RBFOX1: variants seen among roughly 807,000 people sequenced by gnomAD.
The protein encoded by RBFOX1 is RNA binding fox-1 homolog 1.
RBFOX1 carries 8 observed loss-of-function variants against 57.7 expected under a neutral mutation model. The observed-to-expected ratio is 0.14, with a 90% CI of 0.08 to 0.25. RBFOX1 has a LOEUF of 0.25. RBFOX1 is among the 10% of genes least tolerant of loss of function. The probability of loss-of-function intolerance (pLI) is 1.00; values close to 1 mark genes in which losing one functional copy is unlikely to be tolerated. For synonymous variants in RBFOX1, 326 were observed against 222.4 expected (o/e 1.47, Z -4.15); for missense variants, 611 against 548.5 (o/e 1.11, Z -1.14).
At chr16:5,727,631 T>G (rs9924785) in intron 3 of RBFOX1, among the ~76,000 whole-genome samples, 16,019 of 152,184 alleles carry the variant, frequency 0.11, 2,801 homozygotes, top group African/African-American at 0.36. Flanking sequence ...ATCTCCCCAT[T>G]TACCCACCCT....
At chr16:7,010,586 G>A (rs1339074229) in intron 3 of RBFOX1, among the ~76,000 whole-genome samples, 1 of 151,606 alleles carries the variant, frequency 6.6e-6, no homozygotes, top group East Asian at 1.9e-4. Context: ...GTTTTTCTCT[G>A]TCACCCAGGC....
At chr16:7,106,117 C>T (rs1185481627) in intron 4 of RBFOX1, among the ~76,000 whole-genome samples, 1 of 152,164 alleles carries the variant, frequency 6.6e-6, no homozygotes, top group Non-Finnish European at 1.5e-5. Flanking sequence ...TTTGAAACTC[C>T]TTTACCGTGA....
intron 2 of RBFOX1, among the ~76,000 whole-genome samples, chr16:6,421,484 T>G (rs1310814273): frequency 6.6e-6 from 1 of 152,216 alleles, no homozygotes; most frequent in African/African-American, 2.4e-5. Flanking sequence ...AGGGGAATGC[T>G]TCTTAGAAGG....
At chr16:6,899,170 G>A (rs2067809910) in intron 3 of RBFOX1, among the ~76,000 whole-genome samples, 1 of 144,270 alleles carries the variant, frequency 6.9e-6, no homozygotes, top group Admixed American at 6.9e-5. Flanking sequence ...ACATGTGTAT[G>A]TGTGTGTATA....
chr16:6,397,522 G>C (rs1031711157), intron 2 of RBFOX1, among the ~76,000 whole-genome samples: 1 of 152,130 alleles, frequency 6.6e-6, no homozygotes, highest in South Asian at 2.1e-4. Flanking sequence ...CATTAGTCCT[G>C]TACTATAAGA....
At chr16:7,606,494 C>G (rs1235771561) in intron 9 of RBFOX1, among the ~76,000 whole-genome samples, 1 of 152,152 alleles carries the variant, frequency 6.6e-6, no homozygotes, top group Non-Finnish European at 1.5e-5. Context: ...CGTGATCAGT[C>G]TCTGGAAATT....
At chr16:6,901,959 C>T (rs2068608188) in intron 3 of RBFOX1, among the ~76,000 whole-genome samples, 1 of 152,064 alleles carries the variant, frequency 6.6e-6, no homozygotes, top group South Asian at 2.1e-4. Context: ...ATGGCACCTT[C>T]AGAAATATTG....
At chr16:6,832,047 A>G (rs181471700) in intron 3 of RBFOX1, among the ~76,000 whole-genome samples, 14 of 152,384 alleles carry the variant, frequency 9.2e-5, no homozygotes. Flanking sequence ...CCTGCACTTA[A>G]GAATATAATT....
chr16:6,970,528 G>T (rs1328254212), intron 3 of RBFOX1, among the ~76,000 whole-genome samples: 3 of 152,156 alleles, frequency 2.0e-5, no homozygotes, highest in Admixed American at 6.5e-5. Flanking sequence ...AGTAGATTCA[G>T]TGTCCGGTGA....
At chr16:6,086,606 G>C (rs7195500) in intron 1 of RBFOX1, among the ~76,000 whole-genome samples, 108 of 152,106 alleles carry the variant, frequency 7.1e-4, no homozygotes, top group Non-Finnish European at 1.3e-3. Flanking sequence ...GACTGGGCTG[G>C]GGGCGCATGC....
intron 4 of RBFOX1, among the ~76,000 whole-genome samples, chr16:7,464,428 G>T (rs1036767756): frequency 1.3e-5 from 2 of 151,958 alleles, no homozygotes; most frequent in African/African-American, 4.8e-5. Flanking sequence ...CTGGAGGATG[G>T]TGGTCACTTC....
chr16:7,557,077 AT>A (rs573718668), intron 5 of RBFOX1, among the ~76,000 whole-genome samples: 1 of 151,968 alleles, frequency 6.6e-6, no homozygotes, highest in Non-Finnish European at 1.5e-5. Context: ...ATGTTGTTTT[AT>A]TTTTTGCTGT....
At chr16:5,403,371 AAAAC>A (rs1245984207) in intron 1 of RBFOX1, among the ~76,000 whole-genome samples, 159 of 151,714 alleles carry the variant, frequency 1.0e-3, no homozygotes, top group African/African-American at 3.4e-3. Context: ...AAAAAAACAA[AAAAC>A]AAACAAACAA....
intron 3 of RBFOX1, among the ~76,000 whole-genome samples, chr16:6,880,190 C>G (rs935328939): frequency 3.4e-5 from 5 of 146,846 alleles, no homozygotes; most frequent in African/African-American, 1.3e-4. Flanking sequence ...CTGTGTACTC[C>G]TTTAAGGTAT....
chr16:7,197,438 T>TG (rs1412741510), intron 4 of RBFOX1, among the ~76,000 whole-genome samples: 18 of 66,466 alleles, frequency 2.7e-4, no homozygotes, highest in African/African-American at 1.1e-3. Context: ...AACCTGTGAG[T>TG]GGAAAAAAAA....
chr16:7,385,619 T>C (rs1011111242), intron 4 of RBFOX1, among the ~76,000 whole-genome samples: 2 of 152,154 alleles, frequency 1.3e-5, no homozygotes, highest in South Asian at 2.1e-4. Flanking sequence ...GTCATCTCAT[T>C]TGGGCGTTGA....
intron 3 of RBFOX1, among the ~76,000 whole-genome samples, chr16:7,036,372 C>G (rs2044425478): frequency 6.6e-6 from 1 of 152,062 alleles, no homozygotes; most frequent in Admixed American, 6.6e-5. Flanking sequence ...GGAAAGGGGT[C>G]CCAATGCAGA....
chr16:6,207,939 C>G (rs1158525254), intron 1 of RBFOX1, among the ~76,000 whole-genome samples: 3 of 151,974 alleles, frequency 2.0e-5, no homozygotes, highest in African/African-American at 4.8e-5. Context: ...TATCGGTTTA[C>G]TTCAGAATTT....
chr16:6,878,653 G>A (rs1032020096), intron 3 of RBFOX1, among the ~76,000 whole-genome samples: 1 of 152,162 alleles, frequency 6.6e-6, no homozygotes, highest in African/African-American at 2.4e-5. Context: ...GTTCGTGTTA[G>A]CGTCAGTTTA....
Sources: gnomAD v4.1 joint callset for allele counts (sites outside exome capture counted in the v4.1 genomes callset) on GRCh38, gnomAD v4.1.1 for gene constraint, MANE v1.5 for transcripts, NCBI Gene and HGNC (gene_info 2026-07-23, HGNC 2026-07-21) for gene names.